Variants in KCNIP1 observed in about 807,000 individuals in gnomAD.
KCNIP1 encodes A-type potassium channel modulatory protein KCNIP1.
A neutral mutation model predicts 33.0 loss-of-function variants in KCNIP1; 18 were observed. The ratio of observed to expected loss-of-function variants is 0.55; its 90% CI spans 0.38 to 0.81. The LOEUF (loss-of-function observed/expected upper bound fraction) is 0.81. KCNIP1 is among the 30% of genes least tolerant of loss of function. KCNIP1 has a pLI of 0.00. For missense variants in KCNIP1, 238 were observed against 271.6 expected (o/e 0.88, Z 0.87); for synonymous variants, 93 against 98.3 (o/e 0.95, Z 0.32).
At chr5:170,672,538 T>A (rs957125995) in intron 1 of KCNIP1, among the ~76,000 whole-genome samples, 1 of 152,202 alleles carries the variant, frequency 6.6e-6, no homozygotes, top group African/African-American at 2.4e-5. Flanking sequence ...TGGAGAATTT[T>A]AAAAAAATAT....
At chr5:170,403,114 T>TCCCTCTCTCATTTGTCCCTCCAA (rs1754950043) in intron 1 of KCNIP1, among the ~76,000 whole-genome samples, 1 of 152,144 alleles carries the variant, frequency 6.6e-6, no homozygotes, top group South Asian at 2.1e-4. Context: ...TCAGTTCTCC[T>TCCCTCTCTCATTTGTCCCTCCAA]CCCTCTCTCA....
intron 1 of KCNIP1, among the ~76,000 whole-genome samples, chr5:170,695,985 C>T: frequency 6.7e-6 from 1 of 149,984 alleles, no homozygotes; most frequent in African/African-American, 2.5e-5. Context: ...CACCACTACA[C>T]TCCAGCCTGG....
intron 1 of KCNIP1, among the ~76,000 whole-genome samples, chr5:170,650,236 G>A (rs1011441226): frequency 6.6e-6 from 1 of 151,934 alleles, no homozygotes; most frequent in African/African-American, 2.4e-5. Flanking sequence ...TGGACATATA[G>A]CCAGACCTAT....
chr5:170,527,319 G>A (rs1211995902), intron 1 of KCNIP1, among the ~76,000 whole-genome samples: 3 of 152,134 alleles, frequency 2.0e-5, no homozygotes, highest in African/African-American at 4.8e-5. Context: ...AGTCAACTAA[G>A]CAAATAAATG....
At chr5:170,616,610 C>T (rs1291097653) in intron 1 of KCNIP1, among the ~76,000 whole-genome samples, 1 of 152,158 alleles carries the variant, frequency 6.6e-6, no homozygotes, top group Admixed American at 6.5e-5. Context: ...CCCAAGTTTC[C>T]TTCTGTAATG....
chr5:170,656,695 C>T (rs1298895932), intron 1 of KCNIP1, among the ~76,000 whole-genome samples: 3 of 152,158 alleles, frequency 2.0e-5, no homozygotes, highest in Admixed American at 6.5e-5. Flanking sequence ...AAATGGGGAC[C>T]GTCCAGCACA....
At chr5:170,457,942 A>T (rs182483265) in intron 1 of KCNIP1, among the ~76,000 whole-genome samples, 1 of 152,360 alleles carries the variant, frequency 6.6e-6, no homozygotes, top group Non-Finnish European at 1.5e-5. Context: ...GGAAATCAAA[A>T]AAATGATACA....
intron 1 of KCNIP1, chr5:170,680,980 T>C (rs985322452): frequency 5.0e-6 from 2 of 398,614 alleles, no homozygotes; most frequent in Admixed American, 8.8e-5. Context: ...CCGTGCACTT[T>C]AGAACAGCAG....
intron 1 of KCNIP1, among the ~76,000 whole-genome samples, chr5:170,396,764 G>A (rs1754772615): frequency 2.0e-5 from 3 of 152,170 alleles, no homozygotes; most frequent in African/African-American, 7.2e-5. Context: ...CCTCCAGGTA[G>A]CAGGCTTCAG....
Position 170,718,637 on chromosome 5 carries a change from G to A in KCNIP1, c.62-121G>A, listed in dbSNP as rs1581540108. On this transcript the variant is annotated intron_variant, in intron 1 of 7. Coordinates refer to ENST00000328939, the MANE Select transcript of KCNIP1 (RefSeq NM_014592.4). ...AAGATAGGAAGGCCATTGGCAGTGT[G>A]ACCCCAGCCCACAGTCCTAGATCCC... 5 of 1,172,310 alleles carry A rather than the reference G, an allele frequency of 4.3e-6. No individual in the cohort carries two copies. In the East Asian group the frequency reaches 1.0e-4, roughly 24 times the overall value. The allele number at this position is 1,172,310 out of a possible 1,614,324, so 72.6% of individuals were successfully genotyped here.
intron 1 of KCNIP1, among the ~76,000 whole-genome samples, chr5:170,541,270 C>CG (rs1756201445): frequency 6.6e-6 from 1 of 152,200 alleles, no homozygotes; most frequent in Admixed American, 6.5e-5. Flanking sequence ...CCATAGCCAT[C>CG]TGTCTGTCCT....
chr5:170,722,947 C>A, intron 5 of KCNIP1, 127 bp downstream of exon 5: 1 of 625,606 alleles, frequency 1.6e-6, no homozygotes, highest in Non-Finnish European at 2.8e-6. Context: ...GCTAACAGAG[C>A]TGGTCCCTGG....
At chr5:170,730,533 T>TA (rs143662294) in intron 5 of KCNIP1, among the ~76,000 whole-genome samples, 31 of 151,486 alleles carry the variant, frequency 2.0e-4, no homozygotes, top group East Asian at 3.8e-4. Flanking sequence ...TTTCTGTGAT[T>TA]AAAAAAAAAT....
intron 1 of KCNIP1, among the ~76,000 whole-genome samples, chr5:170,713,605 A>G (rs1025873332): frequency 1.3e-5 from 2 of 151,858 alleles, no homozygotes; most frequent in African/African-American, 4.9e-5. Context: ...AGATTTGTAC[A>G]TGGATCTCTC....
At chr5:170,449,451 C>T (rs192488875) in intron 1 of KCNIP1, among the ~76,000 whole-genome samples, 11 of 152,268 alleles carry the variant, frequency 7.2e-5, no homozygotes, top group Non-Finnish European at 1.5e-4. Flanking sequence ...CCTGGCACTT[C>T]CAGGGCTCCA....
At chr5:170,617,373 G>A (rs1030100996) in intron 1 of KCNIP1, among the ~76,000 whole-genome samples, 1 of 151,940 alleles carries the variant, frequency 6.6e-6, no homozygotes, top group Non-Finnish European at 1.5e-5. Flanking sequence ...GTAGTGGAAA[G>A]CTGGACCACT....
intron 1 of KCNIP1, among the ~76,000 whole-genome samples, chr5:170,485,164 T>C (rs529145734): frequency 6.6e-6 from 1 of 152,238 alleles, no homozygotes; most frequent in East Asian, 1.9e-4. Flanking sequence ...AGTCTCAAGC[T>C]CCCGACCTCA....
intron 1 of KCNIP1, among the ~76,000 whole-genome samples, chr5:170,488,833 G>T (rs773726613): frequency 1.3e-5 from 2 of 152,184 alleles, no homozygotes; most frequent in African/African-American, 2.4e-5. Flanking sequence ...CAAATGCCAG[G>T]CCTGCAGAGG....
chr5:170,724,009 G>A (rs974365085), intron 5 of KCNIP1, among the ~76,000 whole-genome samples: 2 of 152,178 alleles, frequency 1.3e-5, no homozygotes, highest in Non-Finnish European at 2.9e-5. Context: ...AGATGGTGGA[G>A]GGCTAGGGTA....
Sources: gnomAD v4.1 joint callset for allele counts (sites outside exome capture counted in the v4.1 genomes callset) on GRCh38, gnomAD v4.1.1 for gene constraint, MANE v1.5 for transcripts, NCBI Gene and HGNC (gene_info 2026-07-23, HGNC 2026-07-21) for gene names.